STAM: variants seen among roughly 807,000 people sequenced by gnomAD.
STAM encodes signal transducing adaptor molecule.
STAM carries 16 observed loss-of-function variants against 63.4 expected under a neutral mutation model. The observed-to-expected ratio is 0.25, with a 90% confidence interval of 0.17 to 0.38. STAM has a LOEUF of 0.38. Ranked by LOEUF, STAM falls within the 10% of genes least tolerant of loss-of-function variation. The pLI is 1.00. For missense variants in STAM, 636 were observed against 657.1 expected, an observed-to-expected ratio of 0.97 and a Z score of 0.35; for synonymous variants, 238 against 223.9, an observed-to-expected ratio of 1.06 and a Z score of -0.56.
At chr10:17,664,620 T>G (rs1180009672) in intron 2 of STAM, among the ~76,000 whole-genome samples, 1 of 152,130 alleles carries the variant, frequency 6.6e-6, no homozygotes, top group Non-Finnish European at 1.5e-5. Context: ...TCTAAATACC[T>G]GATGTGCTTT....
intron 2 of STAM, among the ~76,000 whole-genome samples, chr10:17,666,385 G>GTTTTTTTTTTTTTTT (rs1425682476): frequency 1.7e-4 from 17 of 102,334 alleles, no homozygotes; most frequent in African/African-American, 6.4e-4. Flanking sequence ...CCTTGGCTTT[G>GTTTTTTTTTTTTTTT]TATTTTTTTT....
intron 1 of STAM, among the ~76,000 whole-genome samples, chr10:17,645,285 G>A (rs1833476896): frequency 6.6e-6 from 1 of 152,116 alleles, no homozygotes; most frequent in Admixed American, 6.5e-5. Context: ...ATCCCTTATG[G>A]CAGAATGTAA....
intron 8 of STAM, among the ~76,000 whole-genome samples, chr10:17,699,503 C>T (rs1554828077): frequency 2.0e-5 from 3 of 152,148 alleles, no homozygotes; most frequent in Non-Finnish European, 4.4e-5. Context: ...TTAAAGATTG[C>T]TTTGGTGAGT....
chr10:17,692,834 T>G (rs1231619045), intron 5 of STAM, among the ~76,000 whole-genome samples: 2 of 145,206 alleles, frequency 1.4e-5, no homozygotes, highest in East Asian at 2.0e-4. Flanking sequence ...GATACTACAG[T>G]TTTTTTTTTA....
At chr10:17,693,107 T>G in intron 5 of STAM, 115 bp from the exon 6 acceptor site, 1 of 780,570 alleles carries the variant, frequency 1.3e-6, no homozygotes. Context: ...TTTGGATTTC[T>G]TCTTTCAGAA....
At chr10:17,691,278 G>A (rs1835520609) in intron 5 of STAM, among the ~76,000 whole-genome samples, 1 of 152,120 alleles carries the variant, frequency 6.6e-6, no homozygotes, top group African/African-American at 2.4e-5. Context: ...TAGCACTTTG[G>A]GAGGCCGAGG....
chr10:17,704,309 A>G (rs1836153651), intron 9 of STAM, 122 bp from the exon 10 acceptor site: 2 of 783,348 alleles, frequency 2.6e-6, no homozygotes, highest in Non-Finnish European at 4.1e-6. Context: ...TGACAACATA[A>G]AAGCAAAATT....
intron 1 of STAM, among the ~76,000 whole-genome samples, chr10:17,650,950 A>T (rs1340310702): frequency 4.6e-5 from 7 of 150,908 alleles, no homozygotes; most frequent in African/African-American, 1.5e-4. Flanking sequence ...CTGTAGTCCC[A>T]GCTACTCAGG....
chr10:17,676,359 A>T (rs1554824657), intron 2 of STAM, among the ~76,000 whole-genome samples: 1 of 152,178 alleles, frequency 6.6e-6, no homozygotes, highest in Non-Finnish European at 1.5e-5. Context: ...TGAATCTGAC[A>T]GTGCAGTTTG....
intron 2 of STAM, among the ~76,000 whole-genome samples, chr10:17,666,385 G>GTTTTTTTTTTT (rs1425682476): frequency 9.8e-6 from 1 of 102,298 alleles, no homozygotes; most frequent in African/African-American, 3.8e-5. Flanking sequence ...CCTTGGCTTT[G>GTTTTTTTTTTT]TATTTTTTTT....
At chr10:17,658,566 A>G (rs1554822459) in intron 1 of STAM, among the ~76,000 whole-genome samples, 1 of 152,096 alleles carries the variant, frequency 6.6e-6, no homozygotes, top group Admixed American at 6.6e-5. Context: ...GCTGGAGTGC[A>G]GTGGTGCAAT....
intron 2 of STAM, chr10:17,673,109 C>A: frequency 1.2e-6 from 1 of 864,724 alleles, no homozygotes; most frequent in Non-Finnish European, 1.4e-6. Flanking sequence ...GTAGACTCTT[C>A]TAAGTGCACG....
chr10:17,711,053 T>C (rs1836531013), intron 13 of STAM, among the ~76,000 whole-genome samples: 1 of 152,144 alleles, frequency 6.6e-6, no homozygotes, highest in Non-Finnish European at 1.5e-5. Context: ...TTACTAGAGG[T>C]GTCCTGCGTA....
chr10:17,677,463 C>T (rs1189609311), intron 2 of STAM, among the ~76,000 whole-genome samples: 1 of 151,814 alleles, frequency 6.6e-6, no homozygotes, highest in Non-Finnish European at 1.5e-5. Context: ...TGGCCTTTAC[C>T]ATGCATTGAA....
At chr10:17,709,903 G>A (rs1243717771) in intron 13 of STAM, among the ~76,000 whole-genome samples, 1 of 149,782 alleles carries the variant, frequency 6.7e-6, no homozygotes, top group Non-Finnish European at 1.5e-5. Flanking sequence ...TCAGAAAACA[G>A]GGCATTCCCT....
intron 2 of STAM, among the ~76,000 whole-genome samples, chr10:17,682,048 A>T (rs1835107864): frequency 6.6e-6 from 1 of 152,234 alleles, no homozygotes; most frequent in Admixed American, 6.5e-5. Flanking sequence ...AACAAAGAGC[A>T]TCCCTTGTAT....
In STAM at chr10:17,714,578, C is replaced by G. The variant is rs1554830504; in HGVS notation, c.1421C>G (p.Pro474Arg). The stretch of plus-strand genomic sequence containing the variant: ...AGTTCCGTTCAAGGAAACACATATC[C>G]CAGCCAGGCGCCAGTATATAGTCCT... ...MVSSVQGNTYPSQAPVYSPPP... is the reference protein window; with the variant it reads ...MVSSVQGNTYRSQAPVYSPPP... Residue 474 changes from proline to arginine, a missense_variant, in exon 14 of 14, where the codon CCC becomes CGC. Around this residue, in one of 3 missense-constraint regions of STAM, gnomAD observed 532 missense variants for 536.9 expected, o/e 0.99. Coordinates refer to ENST00000377524, the MANE Select transcript of STAM (RefSeq NM_003473.4). The G allele has an allele frequency of 6.2e-7, 1 of 1,614,130 alleles. No individual in the cohort carries two copies. Among genetic ancestry groups the G allele is most frequent in the South Asian group, 1.1e-5 (1 of 91,066 alleles).
chr10:17,700,003 A>G (rs11254735), intron 8 of STAM, among the ~76,000 whole-genome samples, 188 bp from the exon 9 acceptor site: 1 of 152,346 alleles, frequency 6.6e-6, no homozygotes, highest in East Asian at 1.9e-4. Flanking sequence ...AAATTAAGAA[A>G]TCCAATTTCA....
chr10:17,663,266 A>C (rs1237966035), intron 2 of STAM, among the ~76,000 whole-genome samples: 1 of 151,490 alleles, frequency 6.6e-6, no homozygotes, highest in African/African-American at 2.4e-5. Flanking sequence ...TTTGAAATTT[A>C]CTAATTTATA....
Sources: gnomAD v4.1 joint callset for allele counts (sites outside exome capture counted in the v4.1 genomes callset) on GRCh38, gnomAD v4.1.1 for gene constraint, gnomAD v4.1.1 regional missense constraint, MANE v1.5 for transcripts, NCBI Gene and HGNC (gene_info 2026-07-23, HGNC 2026-07-21) for gene names.